ACSBG2: variants seen among roughly 807,000 people sequenced by gnomAD.
The protein encoded by ACSBG2 is acyl-CoA synthetase bubblegum family member 2.
In ACSBG2, 62 loss-of-function variants were observed where a neutral mutation model predicts 74.7. The ratio of observed to expected loss-of-function variants is 0.83; its 90% CI spans 0.68 to 1.03. The LOEUF is 1.03. Ranked by LOEUF, ACSBG2 falls within the 50% of genes least tolerant of loss-of-function variation. ACSBG2 has a pLI of 0.00. For missense variants in ACSBG2, 730 were observed against 817.6 expected (o/e 0.89, Z 1.31); for synonymous variants, 309 against 294.1 (o/e 1.05, Z -0.52).
At chr19:6,190,474 C>G in intron 13 of ACSBG2, 110 bp from the exon 14 acceptor site, 2 of 892,188 alleles carry the variant, frequency 2.2e-6, no homozygotes, top group Non-Finnish European at 3.7e-6. Flanking sequence ...AATGGCACAG[C>G]CAGCCACCCA....
intron 7 of ACSBG2, chr19:6,176,438 C>T (rs535186102): frequency 2.4e-5 from 34 of 1,412,590 alleles, no homozygotes; most frequent in South Asian, 1.7e-4. Context: ...CTGCCATCCA[C>T]GTGATCTGTA....
intron 7 of ACSBG2, 101 bp from the exon 8 acceptor site, chr19:6,177,128 T>G: frequency 1.5e-6 from 2 of 1,331,944 alleles, no homozygotes; most frequent in Middle Eastern, 2.2e-4. Context: ...ACCACTGCAC[T>G]CCAGTCTGGG....
intron 11 of ACSBG2, among the ~76,000 whole-genome samples, chr19:6,186,209 T>A (rs916778068): frequency 6.6e-6 from 1 of 152,200 alleles, no homozygotes; most frequent in African/African-American, 2.4e-5. Flanking sequence ...CAACTTTTCC[T>A]GAAGAGGGCC....
rs148070856 is a variant in ACSBG2 at position 6,145,990 on chromosome 19, C to T, written c.68-1456C>T. Among the ~76,000 whole-genome samples the T allele has an allele frequency of 2.1e-3, 321 of 152,244 alleles. 2 individuals carry two copies. The highest frequency in any genetic ancestry group is 7.2e-3 in the African/African-American group (297 of 41,524). ...GGGTCTTAAATCTTCTCCCCATGAA[C>T]GACACACATAACTCACTTCTTATGT... On this transcript the variant is annotated intron_variant, in intron 2 of 14. Coordinates refer to ENST00000588485, the MANE Select transcript of ACSBG2 (RefSeq NM_030924.5).
intron 3 of ACSBG2, among the ~76,000 whole-genome samples, chr19:6,151,039 A>G (rs1398884562): frequency 6.6e-6 from 1 of 150,894 alleles, no homozygotes; most frequent in Non-Finnish European, 1.5e-5. Context: ...GCTTGAACCC[A>G]GGAGACGGAG....
At chr19:6,168,160 C>T (rs1043515191) in intron 7 of ACSBG2, among the ~76,000 whole-genome samples, 2 of 152,106 alleles carry the variant, frequency 1.3e-5, no homozygotes, top group African/African-American at 4.8e-5. Flanking sequence ...CTCCTCTCCT[C>T]TCCTCCCTCT....
At chr19:6,189,318 T>C (rs1470252323) in intron 13 of ACSBG2, among the ~76,000 whole-genome samples, 1 of 152,204 alleles carries the variant, frequency 6.6e-6, no homozygotes, top group East Asian at 1.9e-4. Context: ...GTTTTATTTT[T>C]GCCTCTCTTC....
rs751320120 is a variant in ACSBG2, at chr19:6,180,245, C to T, written c.907-2506C>T. On this transcript the variant is annotated intron_variant, in intron 8 of 14. Transcript: ENST00000588485. The surrounding 1 kb of genome is among the most constrained non-coding windows in gnomAD (Gnocchi z 4.3). ...CATGAAAGATTACATATTCACAGGTCCCAGGAGTTAGAACGTGGACATCTT... is the reference window on the plus strand; with the variant it reads ...CATGAAAGATTACATATTCACAGGTTCCAGGAGTTAGAACGTGGACATCTT... 3.9e-5 allele frequency among the ~76,000 whole-genome samples: 6 copies of T among 152,138 alleles called. No individual in the cohort carries two copies. Among genetic ancestry groups the T allele is most frequent in the Non-Finnish European group, 8.8e-5 (6 of 68,024 alleles).
intron 3 of ACSBG2, among the ~76,000 whole-genome samples, chr19:6,149,377 A>C (rs542529549): frequency 1.3e-5 from 2 of 152,280 alleles, no homozygotes; most frequent in East Asian, 3.9e-4. Context: ...AAAAGAGCCA[A>C]CAACGTTGGT....
intron 4 of ACSBG2, among the ~76,000 whole-genome samples, chr19:6,153,839 C>T (rs1164509485): frequency 1.1e-5 from 1 of 89,536 alleles, no homozygotes; most frequent in East Asian, 3.2e-4. Flanking sequence ...CAGAGTGAGA[C>T]CCTGTCTGGA....
intron 8 of ACSBG2, among the ~76,000 whole-genome samples, chr19:6,177,865 G>A (rs925665748): frequency 7.0e-6 from 1 of 142,028 alleles, no homozygotes; most frequent in Non-Finnish European, 1.5e-5. Context: ...ACTTGGTACT[G>A]AAAGTAAAGA....
Position 6,169,664 on chromosome 19 carries a change from C to T in ACSBG2, c.738+3649C>T, listed in dbSNP as rs117400017. Among the ~76,000 whole-genome samples, 933 of 152,174 alleles carry T rather than the reference C, an allele frequency of 6.1e-3. 8 individuals carry two copies. The highest frequency in any genetic ancestry group is 0.011 in the East Asian group (57 of 5,174). On this transcript the variant is annotated intron_variant, in intron 7 of 14. Coordinates refer to ENST00000588485, the MANE Select transcript of ACSBG2 (RefSeq NM_030924.5). ...GGAATTGTGATGAATCTGTAGATTG[C>T]TTTGGGCAGTATGGTCATGTTAACA...
intron 8 of ACSBG2, 95 bp from the exon 9 acceptor site, chr19:6,182,656 T>C: frequency 4.1e-6 from 5 of 1,215,384 alleles, no homozygotes; most frequent in Non-Finnish European, 5.8e-6. Context: ...AGTGAAGGAA[T>C]GTTCTCTTGG....
At chr19:6,154,561 C>T (rs924390904) in intron 4 of ACSBG2, among the ~76,000 whole-genome samples, 14 of 150,588 alleles carry the variant, frequency 9.3e-5, no homozygotes, top group Non-Finnish European at 1.6e-4. Flanking sequence ...GCCCAGGCTG[C>T]AGTGCAGTGG....
At chr19:6,140,573 C>T (rs896122299) in intron 1 of ACSBG2, among the ~76,000 whole-genome samples, 6 of 151,090 alleles carry the variant, frequency 4.0e-5, no homozygotes, top group South Asian at 2.1e-4. Flanking sequence ...CCTGCTACTC[C>T]GGAGGCTGAG....
rs746290076 is a variant in ACSBG2, at chr19:6,183,022, G to A, written c.1089-17G>A. Reference sequence around the variant, plus strand: ...TCCCATCAGCCCTTCTCCACTTGACGGCATTCTTATTCACAGGAAATATAA... The same window carrying A: ...TCCCATCAGCCCTTCTCCACTTGACAGCATTCTTATTCACAGGAAATATAA... On this transcript the variant is annotated splice_polypyrimidine_tract_variant and intron_variant, in intron 9 of 14. Transcript: ENST00000588485. 13 of 1,613,676 alleles carry A rather than the reference G, an allele frequency of 8.1e-6. No individual in the cohort carries two copies. In the Admixed American group the frequency reaches 1.0e-4, roughly 12 times the overall value.
intron 3 of ACSBG2, 69 bp downstream of exon 3, chr19:6,147,744 T>C: frequency 6.7e-7 from 1 of 1,503,618 alleles, no homozygotes; most frequent in Non-Finnish European, 9.2e-7. Flanking sequence ...CATACATACA[T>C]GTGGTACAAA....
intron 7 of ACSBG2, 94 bp downstream of exon 7, chr19:6,166,109 GC>G: frequency 1.3e-6 from 2 of 1,490,368 alleles, no homozygotes; most frequent in East Asian, 4.6e-5. Flanking sequence ...GGTCTAGTAC[GC>G]AGTGTGGCTC....
chr19:6,165,292 G>A (rs766806002), intron 6 of ACSBG2, among the ~76,000 whole-genome samples: 4 of 152,208 alleles, frequency 2.6e-5, no homozygotes, highest in African/African-American at 9.7e-5. Context: ...TACACAGTCT[G>A]TGTCTCAGAA....
Sources: gnomAD v4.1 joint callset for allele counts (sites outside exome capture counted in the v4.1 genomes callset) on GRCh38, gnomAD v4.1.1 for gene constraint, Gnocchi (gnomAD v3.1) non-coding constraint, MANE v1.5 for transcripts, NCBI Gene and HGNC (gene_info 2026-07-23, HGNC 2026-07-21) for gene names.